Variants in YAP1 observed in about 807,000 individuals in gnomAD.
YAP1 encodes the protein Yes1 associated transcriptional regulator.
Under a neutral mutation model 56.9 loss-of-function variants are expected in YAP1, and 5 were observed. The observed-to-expected ratio is 0.09, with a 90% confidence interval of 0.05 to 0.18. The LOEUF is 0.18. YAP1 is among the 10% of genes least tolerant of loss of function. The pLI is 1.00. For synonymous variants in YAP1, 265 were observed against 248.1 expected (o/e 1.07, Z -0.64); for missense variants, 539 against 651.8 (o/e 0.83, Z 1.88).
chr11:102,216,692 T>C (rs1949688170), intron 6 of YAP1, among the ~76,000 whole-genome samples: 1 of 152,232 alleles, frequency 6.6e-6, no homozygotes, highest in East Asian at 1.9e-4. Flanking sequence ...AAGAAGTTTT[T>C]GGATTATTTT....
At chr11:102,185,991 A>ATTTT in intron 3 of YAP1, 27 bp from the exon 4 acceptor site, 28 of 1,357,030 alleles carry the variant, frequency 2.1e-5, no homozygotes, top group Admixed American at 1.1e-4. Context: ...AAAAACCATG[A>ATTTT]TTTTTTTTTT....
intron 2 of YAP1, among the ~76,000 whole-genome samples, chr11:102,117,185 T>G (rs1449613458): frequency 6.6e-6 from 1 of 152,158 alleles, no homozygotes; most frequent in Non-Finnish European, 1.5e-5. Flanking sequence ...GTTGTCAAAG[T>G]TCATTTTTAT....
At chr11:102,121,737 G>A (rs1311889002) in intron 2 of YAP1, among the ~76,000 whole-genome samples, 1 of 152,180 alleles carries the variant, frequency 6.6e-6, no homozygotes, top group Non-Finnish European at 1.5e-5. Context: ...CTGAGGATAA[G>A]TGGGGGACTG....
At chr11:102,148,216 G>C (rs1591231117) in intron 2 of YAP1, among the ~76,000 whole-genome samples, 1 of 152,176 alleles carries the variant, frequency 6.6e-6, no homozygotes, top group East Asian at 1.9e-4. Context: ...TAGTTGACTT[G>C]TAAGAGATTG....
At chr11:102,170,862 A>G (rs985342154) in intron 3 of YAP1, among the ~76,000 whole-genome samples, 1 of 151,880 alleles carries the variant, frequency 6.6e-6, no homozygotes, top group Non-Finnish European at 1.5e-5. Context: ...CCAGCTACTC[A>G]GGAGGCTGAG....
intron 7 of YAP1, among the ~76,000 whole-genome samples, chr11:102,226,286 G>A (rs1004717266): frequency 6.6e-6 from 1 of 152,174 alleles, no homozygotes; most frequent in Non-Finnish European, 1.5e-5. Context: ...AAATCTGGCA[G>A]AAGCATTAGA....
intron 4 of YAP1, among the ~76,000 whole-genome samples, chr11:102,193,079 T>C (rs1242411067): frequency 6.6e-6 from 1 of 152,192 alleles, no homozygotes; most frequent in African/African-American, 2.4e-5. Flanking sequence ...GTTTCTAAAA[T>C]TTAAAACTCC....
At chr11:102,195,681 T>C (rs1338141791) in intron 4 of YAP1, among the ~76,000 whole-genome samples, 1 of 152,350 alleles carries the variant, frequency 6.6e-6, no homozygotes, top group African/African-American at 2.4e-5. Flanking sequence ...TGCTGCCATG[T>C]GAAGGAGTAC....
At chr11:102,167,670 G>A (rs1312156450) in intron 3 of YAP1, among the ~76,000 whole-genome samples, 1 of 152,156 alleles carries the variant, frequency 6.6e-6, no homozygotes, top group Non-Finnish European at 1.5e-5. Flanking sequence ...GGAGGCGGAG[G>A]TTGCAATGAG....
At chr11:102,113,542 T>C (rs960980470) in intron 1 of YAP1, among the ~76,000 whole-genome samples, 2 of 152,212 alleles carry the variant, frequency 1.3e-5, no homozygotes, top group Admixed American at 1.3e-4. Flanking sequence ...TGGGTTTTTT[T>C]CATCCTGTTC....
intron 4 of YAP1, among the ~76,000 whole-genome samples, chr11:102,205,236 T>G (rs1949061433): frequency 6.6e-6 from 1 of 152,128 alleles, no homozygotes; most frequent in African/African-American, 2.4e-5. Context: ...ATCCAGATAC[T>G]TGTGGACTCA....
chr11:102,198,945 T>A (rs1948706341), intron 4 of YAP1, among the ~76,000 whole-genome samples: 2 of 152,198 alleles, frequency 1.3e-5, no homozygotes, highest in Non-Finnish European at 2.9e-5. Flanking sequence ...CATATTTTTG[T>A]AAATCATAGG....
chr11:102,130,720 C>CTTTTTTTT (rs61175592), intron 2 of YAP1, among the ~76,000 whole-genome samples: 2 of 98,108 alleles, frequency 2.0e-5, no homozygotes, highest in Non-Finnish European at 4.0e-5. Context: ...GATAACTACT[C>CTTTTTTTT]TTTTTTTTTT....
rs1010701580 is a variant in YAP1 at position 102,231,447 on chromosome 11, T to A, written c.*1507T>A. 1 of 152,540 alleles carries A rather than the reference T, an allele frequency of 6.6e-6. No individual in the cohort carries two copies. Among genetic ancestry groups the A allele is most frequent in the African/African-American group, 2.4e-5 (1 of 41,456 alleles). The allele number at this position is 152,540 out of a possible 1,614,324, so 9.4% of individuals were successfully genotyped here. ...AAAATTGACCCTGGATAGAATACTA[T>A]AAGGTTTTGAGTTAGCTGGAAAAGT... On this transcript the variant is annotated 3_prime_UTR_variant, in exon 9 of 9. Transcript: ENST00000282441.
intron 6 of YAP1, 88 bp downstream of exon 6, chr11:102,209,652 T>A: frequency 8.1e-7 from 1 of 1,232,242 alleles, no homozygotes. Context: ...CAGGGTCCTG[T>A]CCTTATTGGA....
Position 102,111,328 on chromosome 11 carries a change from C to T in YAP1, c.321+159C>T, listed in dbSNP as rs373459282. 2.6e-5 allele frequency among the ~76,000 whole-genome samples: 4 copies of T among 152,104 alleles called. No individual in the cohort carries two copies. The South Asian group carries it at 8.3e-4, about 32-fold the overall frequency. ...GGCGAAGTGGAACTGGAGTCGTCCACTCCGCCGCGGTGACCAGCTCCCCAC... is the reference window on the plus strand; with the variant it reads ...GGCGAAGTGGAACTGGAGTCGTCCATTCCGCCGCGGTGACCAGCTCCCCAC... On this transcript the variant is annotated intron_variant, in intron 1 of 8. Coordinates refer to ENST00000282441, the MANE Select transcript of YAP1 (RefSeq NM_001130145.3).
chr11:102,189,019 A>T (rs1341616150), intron 4 of YAP1, among the ~76,000 whole-genome samples: 2 of 152,292 alleles, frequency 1.3e-5, no homozygotes, highest in African/African-American at 4.8e-5. Flanking sequence ...TCAGATGGCA[A>T]TAAGGATGCC....
rs34552492 is a variant in YAP1, at chr11:102,161,345, T to TACACACACAC, written c.573-1078_573-1069dup. ...CCAGAGTCTTTCTGTGTACTTTCAC[T>TACACACACAC]ACACACACACACACACACACACACA... On this transcript the variant is annotated intron_variant, in intron 2 of 8. Coordinates refer to ENST00000282441, the MANE Select transcript of YAP1 (RefSeq NM_001130145.3). Among the ~76,000 whole-genome samples, 151 of 141,226 alleles carry TACACACACAC rather than the reference T, an allele frequency of 1.1e-3. 1 individual carries two copies. The highest frequency in any genetic ancestry group is 2.9e-3 in the African/African-American group (111 of 37,914). The allele number at this position is 141,226 out of a possible 152,430, so 92.6% of individuals were successfully genotyped here.
intron 4 of YAP1, among the ~76,000 whole-genome samples, chr11:102,204,095 A>T (rs1198451115): frequency 6.6e-6 from 1 of 151,742 alleles, no homozygotes; most frequent in African/African-American, 2.4e-5. Flanking sequence ...TGCTAGCCTG[A>T]TAGAAGAATT....
Sources: allele counts gnomAD v4.1 joint callset (sites outside exome capture counted in the v4.1 genomes callset), GRCh38; gene constraint gnomAD v4.1.1; transcripts MANE v1.5; gene names NCBI Gene and HGNC (gene_info 2026-07-23, HGNC 2026-07-21).